The following AMOT variants were observed in gnomAD, a reference collection of about 807,000 sequenced individuals.
AMOT encodes the protein angiomotin.
In AMOT, 11 loss-of-function variants were observed where a neutral mutation model predicts 67.0. The observed-to-expected ratio is 0.16, with a 90% confidence interval of 0.10 to 0.27. AMOT has a LOEUF of 0.27. AMOT is among the 10% of genes least tolerant of loss of function. AMOT has a pLI of 1.00. For missense variants in AMOT, 753 were observed against 852.0 expected (o/e 0.88, Z 1.45); for synonymous variants, 326 against 321.4 (o/e 1.01, Z -0.15).
chrX:112,804,235 G>A (rs1001449838), intron 8 of AMOT, among the ~76,000 whole-genome samples: 2 of 111,412 alleles, frequency 1.8e-5, no homozygotes, highest in Non-Finnish European at 3.8e-5. Flanking sequence ...ATTCCTCCAC[G>A]TAACTATTTT....
Position 112,790,123 on chromosome X carries a change from G to C in AMOT, c.2117+469C>G, listed in dbSNP as rs186119799. On this transcript the variant is annotated intron_variant, in intron 10 of 13. Transcript: ENST00000371959. The stretch of plus-strand genomic sequence containing the variant: ...CAAATATTGACCTTCCCAAAGGGCA[G>C]GGATGGGTTCAAGTTCAGCACAGCC... Among the ~76,000 whole-genome samples, 4 of 105,819 alleles carry C rather than the reference G, an allele frequency of 3.8e-5. No homozygotes were observed. The Admixed American group carries it at 4.3e-4, about 11-fold the overall frequency. 91.9% of individuals were successfully genotyped at this position (105,819 alleles called of 115,157 possible).
chrX:112,791,460 C>T (rs1415118672), intron 9 of AMOT, among the ~76,000 whole-genome samples: 1 of 112,049 alleles, frequency 8.9e-6, no homozygotes, highest in Admixed American at 9.5e-5. Context: ...TCTTGATTTT[C>T]ATTCATCTAA....
At chrX:112,829,297 T>C (rs945062738) in intron 2 of AMOT, among the ~76,000 whole-genome samples, 1 of 111,392 alleles carries the variant, frequency 9.0e-6, no homozygotes, top group African/African-American at 3.3e-5. Flanking sequence ...GCTGTTCTGA[T>C]AGTGAGTTCT....
At position 112,822,857 on chromosome X, in the gene AMOT, G is replaced by A. The variant is rs1216312795; in HGVS notation, c.270C>T (p.Leu90=). 8.6e-7 allele frequency: 1 copy of A among 1,167,917 alleles called. No individual in the cohort carries two copies. The highest frequency in any genetic ancestry group is 1.8e-5 in the African/African-American group (1 of 56,192). The change falls in exon 4 of 14, where the codon CTC becomes CTT. Residue 90 remains leucine (L), a synonymous_variant. Coordinates refer to ENST00000371959, the MANE Select transcript of AMOT (RefSeq NM_001113490.2). Reference sequence around the variant, plus strand: ...GAGGAGACAGCTGCTTCTCCATGATGAGGTTTTCTGACTGGATTTCCTGCC... The same window carrying A: ...GAGGAGACAGCTGCTTCTCCATGATAAGGTTTTCTGACTGGATTTCCTGCC... The part of the protein sequence containing the change: ...PQGQEIQSEN[L]IMEKQLSPRM...
At chrX:112,781,805 G>A (rs1256740537) in intron 11 of AMOT, among the ~76,000 whole-genome samples, 2 of 111,832 alleles carry the variant, frequency 1.8e-5, no homozygotes, top group African/African-American at 6.5e-5. Flanking sequence ...ATCTATGAAT[G>A]AGCGACAACC....
At chrX:112,821,665 C>A (rs1199400217) in intron 4 of AMOT, among the ~76,000 whole-genome samples, 1 of 111,515 alleles carries the variant, frequency 9.0e-6, no homozygotes, top group Non-Finnish European at 1.9e-5. Flanking sequence ...ATACAACAGT[C>A]CAGATTTCAT....
chrX:112,779,556 A>C lies in AMOT; in HGVS notation c.2598T>G (p.Thr866=). 8.3e-7 allele frequency: 1 copy of C among 1,211,437 alleles called. No homozygotes were observed. The highest frequency in any genetic ancestry group is 2.3e-4 in the Middle Eastern group (1 of 4,350). The change falls in exon 13 of 14, where the codon ACT becomes ACG. Residue 866 remains threonine (T), a synonymous_variant. Coordinates refer to ENST00000371959, the MANE Select transcript of AMOT (RefSeq NM_001113490.2). ...KTGSRDCSTQ[T]ERGTESNKTA... ...TTTTGTTCGATTCCGTCCCACGTTCAGTTTGGGTACTGCAGTCTCGGCTGC... is the reference window on the plus strand; with the variant it reads ...TTTTGTTCGATTCCGTCCCACGTTCCGTTTGGGTACTGCAGTCTCGGCTGC...
chrX:112,827,149 G>A (rs1459986242), intron 2 of AMOT, among the ~76,000 whole-genome samples: 2 of 112,691 alleles, frequency 1.8e-5, no homozygotes, highest in African/African-American at 3.2e-5. Context: ...GAGCCACCAC[G>A]CTAGGCCCCT....
In AMOT at chrX:112,785,579, C is replaced by T. The variant is rs966939723; in HGVS notation, c.2118-2917G>A. On this transcript the variant is annotated intron_variant, in intron 10 of 13. Transcript: ENST00000371959. ...ACAGCAGTGAGTTTGGACTTTATTC[C>T]AATAGGCGCTGAAAATTATTAGAGC... 1.6e-4 allele frequency among the ~76,000 whole-genome samples: 18 copies of T among 111,626 alleles called. 1 individual carries two copies. Among genetic ancestry groups the T allele is most frequent in the Admixed American group, 1.5e-3 (16 of 10,465 alleles).
At chrX:112,800,886 A>G (rs768202757) in intron 8 of AMOT, among the ~76,000 whole-genome samples, 1 of 111,749 alleles carries the variant, frequency 8.9e-6, no homozygotes, top group African/African-American at 3.3e-5. Flanking sequence ...TGCAGTTCAG[A>G]AAAGGTTAAC....
intron 10 of AMOT, among the ~76,000 whole-genome samples, chrX:112,789,813 A>T (rs1415499241): frequency 9.1e-6 from 1 of 109,474 alleles, no homozygotes; most frequent in African/African-American, 3.3e-5. Context: ...GCCACAACCC[A>T]AGTCATCACC....
chrX:112,820,952 A>AG (rs1339405422), intron 4 of AMOT, among the ~76,000 whole-genome samples: 2 of 104,823 alleles, frequency 1.9e-5, no homozygotes, highest in Non-Finnish European at 3.9e-5. Flanking sequence ...CTGGGTTAAG[A>AG]GGGAAAAAAA....
intron 8 of AMOT, among the ~76,000 whole-genome samples, chrX:112,796,293 GATTT>G (rs1185156080): frequency 8.9e-6 from 1 of 112,113 alleles, no homozygotes; most frequent in Non-Finnish European, 1.9e-5. Flanking sequence ...GACCCTAGAT[GATTT>G]ATTTTTCTGT....
chrX:112,833,183 G>C (rs1275763720), intron 1 of AMOT, among the ~76,000 whole-genome samples: 1 of 111,659 alleles, frequency 9.0e-6, no homozygotes, highest in African/African-American at 3.3e-5. Flanking sequence ...GGGGAAAGGA[G>C]GGCCACAACT....
Position 112,822,707 on chromosome X carries a change from C to A in AMOT, c.420G>T (p.Lys140Asn), listed in dbSNP as rs897633876. 8.6e-7 allele frequency: 1 copy of A among 1,166,689 alleles called. No individual in the cohort carries two copies. Among genetic ancestry groups the A allele is most frequent in the Non-Finnish European group, 1.1e-6 (1 of 873,072 alleles). ...CTGATGGGCGTCCCTCAGTCCTCAT[C>A]TTCTGGTTGGTGACTCCAGTGACAT... Reference protein sequence around the residue: ...AFYVTGVTNQKMRTEGRPSVQ... With the variant: ...AFYVTGVTNQNMRTEGRPSVQ... The change falls in exon 4 of 14, where the codon AAG becomes AAT. Residue 140 changes from lysine (K) to asparagine (N), a missense_variant. Transcript: ENST00000371959.
intron 5 of AMOT, among the ~76,000 whole-genome samples, chrX:112,812,894 A>C (rs189319679): frequency 3.6e-5 from 4 of 112,625 alleles, no homozygotes; most frequent in Admixed American, 2.8e-4. Context: ...ATGCCACAGA[A>C]AAGAGCAGAC....
rs1465556369 is a variant in AMOT, at chrX:112,782,544, C to T, written c.2236G>A (p.Gly746Ser). The T allele has an allele frequency of 1.7e-6, 2 of 1,209,424 alleles. No homozygotes were observed. The highest frequency in any genetic ancestry group is 2.2e-6 in the Non-Finnish European group (2 of 895,018). ...GGGTCCAGAACAACATTTTACCTGC[C>T]CTCCATGTCAAGGCAACGCTTATTG... ...MANKRCLDME[G>S]RIKTLHAQII... The change falls in exon 11 of 14, where the codon GGC becomes AGC. Residue 746 changes from glycine (G) to serine (S), a missense_variant. Gly to Ser is a moderately conservative substitution (Grantham distance 56, BLOSUM62 0). This residue lies in a region of AMOT where 269 missense variants were observed against 300.9 expected (regional missense o/e 0.89). Coordinates refer to ENST00000371959, the MANE Select transcript of AMOT (RefSeq NM_001113490.2).
chrX:112,804,898 T>TAACC, intron 8 of AMOT, 49 bp downstream of exon 8: 1 of 837,586 alleles, frequency 1.2e-6, no homozygotes. Flanking sequence ...GTCCCCGATT[T>TAACC]CCCAGCCCTC....
intron 1 of AMOT, among the ~76,000 whole-genome samples, chrX:112,834,607 C>T (rs189427863): frequency 1.8e-5 from 2 of 112,307 alleles, no homozygotes; most frequent in East Asian, 5.6e-4. Context: ...ACGAATTGTA[C>T]AGCAAGCATA....
Sources: gnomAD v4.1 joint callset for allele counts (sites outside exome capture counted in the v4.1 genomes callset) on GRCh38, gnomAD v4.1.1 for gene constraint, gnomAD v4.1.1 regional missense constraint, MANE v1.5 for transcripts, NCBI Gene and HGNC (gene_info 2026-07-23, HGNC 2026-07-21) for gene names.